SMAP2: variants seen among roughly 807,000 people sequenced by gnomAD.
The protein encoded by SMAP2 is small ArfGAP2.
In SMAP2, 25 loss-of-function variants were observed where a neutral mutation model predicts 56.4. The observed-to-expected ratio is 0.44, with a 90% CI of 0.32 to 0.62. The LOEUF (loss-of-function observed/expected upper bound fraction) is 0.62, where lower values mean the gene tolerates loss of function less well. SMAP2 is among the 20% of genes least tolerant of loss of function. SMAP2 has a pLI of 0.04. For synonymous variants in SMAP2, 157 were observed against 181.7 expected (o/e 0.86, Z 1.09); for missense variants, 388 against 545.6 (o/e 0.71, Z 2.88).
chr1:40,393,444 G>A, intron 1 of SMAP2: 1 of 1,534,756 alleles, frequency 6.5e-7, no homozygotes. Flanking sequence ...AGCAAGATTT[G>A]CACAAAAAGA....
At chr1:40,409,696 T>C (rs2124349155) in intron 3 of SMAP2, 61 bp from the exon 4 acceptor site, 1 of 1,146,574 alleles carries the variant, frequency 8.7e-7, no homozygotes, top group Non-Finnish European at 1.3e-6. Context: ...ACACAATTGA[T>C]CTTTTATCTT....
chr1:40,361,959 T>C (rs1644461867), intron 1 of SMAP2, among the ~76,000 whole-genome samples: 1 of 152,104 alleles, frequency 6.6e-6, no homozygotes, highest in African/African-American at 2.4e-5. Context: ...GTGAGGAGCG[T>C]TTAAAGAAGG....
rs1459293830 is a variant in SMAP2 at position 40,385,583 on chromosome 1, GGAGA to G, written c.103+11365_103+11368del. The stretch of plus-strand genomic sequence containing the variant: ...TGAAACAGTGAAGCAAATGCGAGAG[GGAGA>G]GAGACCTACTCTCAGCTGTAGCTGA... On this transcript the variant is annotated intron_variant, in intron 1 of 9. Transcript: ENST00000372718. This position sits in a 1 kb window ranked among gnomAD's most constrained non-coding sequence, Gnocchi z 4.5. 6.6e-6 allele frequency among the ~76,000 whole-genome samples: 1 copy of G among 152,208 alleles called. No homozygotes were observed. Among genetic ancestry groups the G allele is most frequent in the Non-Finnish European group, 1.5e-5 (1 of 68,038 alleles).
In SMAP2 at chr1:40,374,849, G is replaced by A; in HGVS notation, c.103+626G>A. 6.5e-7 allele frequency: 1 copy of A among 1,533,832 alleles called. No individual in the cohort carries two copies. Among genetic ancestry groups the A allele is most frequent in the Non-Finnish European group, 8.8e-7 (1 of 1,138,014 alleles). ...ACTGCCTTATGCAGTGACACAGTGC[G>A]GATTTCTAGGCAGTGTAGCCCTGGC... On this transcript the variant is annotated intron_variant, in intron 1 of 9. Transcript: ENST00000372718. This position sits in a 1 kb window ranked among gnomAD's most constrained non-coding sequence, Gnocchi z 5.9.
rs1473019076 is a variant in SMAP2 at position 40,422,705 on chromosome 1, A to G, written c.*604A>G. On this transcript the variant is annotated 3_prime_UTR_variant, in exon 10 of 10. Coordinates refer to ENST00000372718, the MANE Select transcript of SMAP2 (RefSeq NM_022733.3). ...CTCTTCGCCCTGAGTTGCTTTCTGG[A>G]TCTGGGGCTTCAGGACTTGCTGCTT... The G allele has an allele frequency of 6.6e-6, 1 of 152,608 alleles. No individual in the cohort carries two copies. Among genetic ancestry groups the G allele is most frequent in the East Asian group, 1.9e-4 (1 of 5,160 alleles). The allele number at this position is 152,608 out of a possible 1,614,324, so 9.5% of individuals were successfully genotyped here.
chr1:40,402,351 CTCT>C (rs1644843138), intron 1 of SMAP2, among the ~76,000 whole-genome samples: 2 of 152,268 alleles, frequency 1.3e-5, no homozygotes, highest in East Asian at 3.9e-4. Context: ...TTGAATTATT[CTCT>C]TCTACCTATT....
chr1:40,411,144 T>C (rs1181909645), intron 4 of SMAP2, among the ~76,000 whole-genome samples: 1 of 152,140 alleles, frequency 6.6e-6, no homozygotes, highest in East Asian at 1.9e-4. Context: ...GTGTAATACA[T>C]ATAGTTAGGT....
chr1:40,344,942 T>A (rs934336877), intron 1 of SMAP2: 5 of 150,130 alleles, frequency 3.3e-5, no homozygotes, highest in Admixed American at 2.7e-4. Context: ...TTTCTTTCCT[T>A]CTTTTCTTTT....
chr1:40,421,906 C>T (rs1645046851), intron 9 of SMAP2, 70 bp from the exon 10 acceptor site: 2 of 1,585,778 alleles, frequency 1.3e-6, no homozygotes, highest in African/African-American at 1.3e-5. Flanking sequence ...AAGGGACTCT[C>T]ACCCTGCCTT....
intron 1 of SMAP2, among the ~76,000 whole-genome samples, chr1:40,384,670 GTTGT>G (rs981447823): frequency 8.5e-4 from 130 of 152,304 alleles, no homozygotes; most frequent in African/African-American, 3.0e-3. Flanking sequence ...AAGGACTCTC[GTTGT>G]TTGAGTGAAG....
Position 40,348,187 on chromosome 1 carries a change from T to G in SMAP2, c.-83+3277T>G, listed in dbSNP as rs142791708. Reference sequence around the variant, plus strand: ...AAAACATTTTAAAAAATCCTTGTATTCAACTATAATTATTGCTTTAGGATG... The same window carrying G: ...AAAACATTTTAAAAAATCCTTGTATGCAACTATAATTATTGCTTTAGGATG... On this transcript the variant is annotated intron_variant, in intron 1 of 6. Coordinates refer to the SMAP2 transcript ENST00000435168. Among the ~76,000 whole-genome samples the G allele has an allele frequency of 4.2e-3, 640 of 152,218 alleles. 18 individuals are homozygous for G. In the East Asian group the frequency reaches 0.055, roughly 13 times the overall value.
At chr1:40,391,219 AT>A (rs532907458) in intron 1 of SMAP2, among the ~76,000 whole-genome samples, 2 of 152,360 alleles carry the variant, frequency 1.3e-5, no homozygotes, top group East Asian at 3.9e-4. Context: ...GACTATTTGA[AT>A]ATGGGCTGTT....
chr1:40,392,243 A>C (rs1325454559), intron 1 of SMAP2, among the ~76,000 whole-genome samples: 1 of 152,176 alleles, frequency 6.6e-6, no homozygotes, highest in Non-Finnish European at 1.5e-5. Context: ...CACATTCTGC[A>C]CTTGGTCGGG....
chr1:40,411,317 G>A (rs185489879), intron 4 of SMAP2, among the ~76,000 whole-genome samples: 60 of 152,260 alleles, frequency 3.9e-4, no homozygotes, highest in Non-Finnish European at 5.6e-4. Flanking sequence ...TACACATTTC[G>A]TTTTATTTGT....
rs1009384719 is a variant in SMAP2 at position 40,356,718 on chromosome 1, T to C, written c.-82-5582T>C. On this transcript the variant is annotated intron_variant, in intron 1 of 6. Transcript: ENST00000435168. ...AGCCACCGTGCTGGACCCCTATTTT[T>C]AGTTTTTTGAGGAACCTCCAAACTG... Among the ~76,000 whole-genome samples the C allele has an allele frequency of 9.2e-5, 14 of 152,188 alleles. 1 individual carries two copies. The highest frequency in any genetic ancestry group is 2.4e-5 in the African/African-American group (1 of 41,450).
At chr1:40,421,089 G>GT (rs1177183752) in intron 9 of SMAP2, among the ~76,000 whole-genome samples, 1 of 150,820 alleles carries the variant, frequency 6.6e-6, no homozygotes, top group Non-Finnish European at 1.5e-5. Flanking sequence ...AAAAATGTAA[G>GT]TTTTTTTATA....
intron 1 of SMAP2, among the ~76,000 whole-genome samples, chr1:40,397,608 A>G (rs1369935930): frequency 3.9e-5 from 6 of 152,168 alleles, no homozygotes; most frequent in East Asian, 1.9e-4. Flanking sequence ...TTTAACACAC[A>G]TTTATTGTGT....
At chr1:40,394,921 G>A (rs905323461) in intron 1 of SMAP2, among the ~76,000 whole-genome samples, 9 of 152,086 alleles carry the variant, frequency 5.9e-5, no homozygotes, top group South Asian at 2.1e-4. Context: ...AGGCCTGTGC[G>A]TCTCTGTGGG....
chr1:40,415,775 A>C (rs543725439), intron 7 of SMAP2, among the ~76,000 whole-genome samples: 1 of 152,342 alleles, frequency 6.6e-6, no homozygotes, highest in South Asian at 2.1e-4. Context: ...ATCATTTTGT[A>C]TATTTCATTA....
Sources: allele counts gnomAD v4.1 joint callset (sites outside exome capture counted in the v4.1 genomes callset), GRCh38; gene constraint gnomAD v4.1.1; non-coding constraint Gnocchi (gnomAD v3.1); transcripts MANE v1.5; gene names NCBI Gene and HGNC (gene_info 2026-07-23, HGNC 2026-07-21).